Variants in MUC5AC observed in about 807,000 individuals in gnomAD.
The protein encoded by MUC5AC is mucin-5AC.
In MUC5AC, 158 loss-of-function variants were observed where a neutral mutation model predicts 169.7. The ratio of observed to expected loss-of-function variants is 0.93; its 90% CI spans 0.82 to 1.06. The LOEUF is 1.06. Ranked by LOEUF, MUC5AC falls within the 50% of genes least tolerant of loss-of-function variation. The pLI is 0.00. For missense variants in MUC5AC, 4,359 were observed against 3,089.9 expected (o/e 1.41, Z -9.74); for synonymous variants, 1,975 against 1,237.0 (o/e 1.60, Z -12.52).
chr11:1,178,440 G>A lies in MUC5AC; in HGVS notation c.3088-4G>A, dbSNP rs1036473686. Reference sequence around the variant, plus strand: ...CACCTCCACCTCTCCCGGTGCCTCTGCAGGGCAGGGTCTGCGGCCTGTGTG... The same window carrying A: ...CACCTCCACCTCTCCCGGTGCCTCTACAGGGCAGGGTCTGCGGCCTGTGTG... On this transcript the variant is annotated splice_polypyrimidine_tract_variant and splice_region_variant and intron_variant, in intron 24 of 48. Transcript: ENST00000621226. 1.1e-5 allele frequency: 7 copies of A among 623,088 alleles called. No homozygotes were observed. The highest frequency in any genetic ancestry group is 1.7e-5 in the Non-Finnish European group (7 of 417,456). The allele number at this position is 623,088 out of a possible 1,614,324, so 38.6% of individuals were successfully genotyped here.
At position 1,183,268 on chromosome 11, in the gene MUC5AC, A is replaced by G; in HGVS notation, c.5123A>G (p.His1708Arg). 2.5e-6 allele frequency: 1 copy of G among 406,056 alleles called. No homozygotes were observed. The highest frequency in any genetic ancestry group is 4.7e-5 in the Admixed American group (1 of 21,350). The allele number at this position is 406,056 out of a possible 1,614,324, so 25.2% of individuals were successfully genotyped here. Residue 1708 changes from histidine (H) to arginine (R), a missense_variant, in exon 31 of 49, where the codon CAC becomes CGC. His to Arg is a conservative substitution (Grantham distance 29, BLOSUM62 0). Coordinates refer to ENST00000621226, the MANE Select transcript of MUC5AC (RefSeq NM_001304359.2). The part of the protein sequence containing the change: ...GAQTQTTFTT[H>R]MPSASTEQPT... ...CAGACCCAGACCACCTTCACCACAC[A>G]CATGCCCTCGGCCTCCACAGAGCAA...
At chr11:1,162,690 G>T in intron 5 of MUC5AC, 44 bp downstream of exon 5, 1 of 1,568,262 alleles carries the variant, frequency 6.4e-7, no homozygotes, top group South Asian at 1.1e-5. Context: ...TCCAGCCCTC[G>T]AGGGCCGGCC....
chr11:1,183,980 C>G lies in MUC5AC; in HGVS notation c.5835C>G (p.Pro1945=), dbSNP rs1469979006. ...CCAGCAAGCCCACCCCCACGGAGCC[C>G]AGCACATCCTCCTGCCTGCAGGAGC... The part of the protein sequence containing the change: ...VVSSKPTPTE[P]STSSCLQELC... Residue 1945 remains proline, a synonymous_variant, in exon 31 of 49, where the codon CCC becomes CCG. Coordinates refer to ENST00000621226, the MANE Select transcript of MUC5AC (RefSeq NM_001304359.2). 7 of 394,964 alleles carry G rather than the reference C, an allele frequency of 1.8e-5. No homozygotes were observed. The highest frequency in any genetic ancestry group is 2.2e-5 in the Non-Finnish European group (5 of 227,492). 24.5% of individuals were successfully genotyped at this position (394,964 alleles called of 1,614,324 possible).
At chr11:1,163,388 G>C (rs1490886253) in intron 6 of MUC5AC, among the ~76,000 whole-genome samples, 1 of 152,154 alleles carries the variant, frequency 6.6e-6, no homozygotes, top group Non-Finnish European at 1.5e-5. Context: ...AATGTGACCT[G>C]CACCAGCCAA....
Position 1,188,216 on chromosome 11 carries a change from G to A in MUC5AC, c.10071G>A (p.Arg3357=). Residue 3357 remains arginine (R), a synonymous_variant, in exon 31 of 49, where the codon AGG becomes AGA. Transcript: ENST00000621226. ...GCACTTCCTCTTGGCAGAAATCCAGGACAACCACTTTGGTGACAACCAGCA... is the reference window on the plus strand; with the variant it reads ...GCACTTCCTCTTGGCAGAAATCCAGAACAACCACTTTGGTGACAACCAGCA... ...TQSTSSWQKS[R]TTTLVTTSTT... 1.5e-6 allele frequency: 1 copy of A among 681,006 alleles called. No individual in the cohort carries two copies. Among genetic ancestry groups the A allele is most frequent in the Non-Finnish European group, 2.7e-6 (1 of 375,158 alleles). 42.2% of individuals were successfully genotyped at this position (681,006 alleles called of 1,614,324 possible).
chr11:1,195,740 A>C (rs1000869171), intron 36 of MUC5AC, 136 bp from the exon 37 acceptor site: 1 of 408,702 alleles, frequency 2.4e-6, no homozygotes, highest in South Asian at 2.2e-5. Context: ...CCGGGGATAC[A>C]GGAGGGCGGC....
chr11:1,175,923 GCA>G (rs1214413446), intron 19 of MUC5AC, among the ~76,000 whole-genome samples: 1 of 125,390 alleles, frequency 8.0e-6, no homozygotes, highest in South Asian at 2.6e-4. Flanking sequence ...ACCCACTCAT[GCA>G]CACACACTCA....
chr11:1,182,892 A>C lies in MUC5AC; in HGVS notation c.4747A>C (p.Thr1583Pro), dbSNP rs879231121. 8 of 398,634 alleles carry C rather than the reference A, an allele frequency of 2.0e-5. No homozygotes were observed. Among genetic ancestry groups the C allele is most frequent in the Non-Finnish European group, 3.1e-5 (7 of 226,168 alleles). 24.7% of individuals were successfully genotyped at this position (398,634 alleles called of 1,614,324 possible). Residue 1583 changes from threonine to proline, a missense_variant, in exon 31 of 49, where the codon ACC becomes CCC. Thr to Pro is a conservative substitution (Grantham distance 38). Transcript: ENST00000621226. ...ATCCTCCTGCCTGCAGGAGCTTTGCACCTGGACCGAGTGGATCGATGGCAG... is the reference window on the plus strand; with the variant it reads ...ATCCTCCTGCCTGCAGGAGCTTTGCCCCTGGACCGAGTGGATCGATGGCAG... ...STSSCLQELCTWTEWIDGSYP... is the reference protein window; with the variant it reads ...STSSCLQELCPWTEWIDGSYP...
chr11:1,163,842 C>T (rs923451917), intron 6 of MUC5AC, 40 bp from the exon 7 acceptor site: 33 of 1,503,636 alleles, frequency 2.2e-5, no homozygotes, highest in Middle Eastern at 1.7e-4. Flanking sequence ...TGACGGGTAC[C>T]GGGACCTGCA....
Position 1,180,135 on chromosome 11 carries a change from G to A in MUC5AC, c.3598G>A (p.Val1200Ile), listed in dbSNP as rs879249870. The change falls in exon 27 of 49, where the codon GTC becomes ATC. Residue 1200 changes from valine (V) to isoleucine (I), a missense_variant. By Grantham distance (29) the Val-to-Ile change is conservative. Coordinates refer to ENST00000621226, the MANE Select transcript of MUC5AC (RefSeq NM_001304359.2). The part of the protein sequence containing the change: ...RNPRGDCLRD[V>I]RGLEGCYPKC... Reference sequence around the variant, plus strand: ...CCCCCGTGGAGACTGCCTGCGGGACGTCCGGGGCCTGGAAGGTGGGCTGGG... The same window carrying A: ...CCCCCGTGGAGACTGCCTGCGGGACATCCGGGGCCTGGAAGGTGGGCTGGG... 4.8e-3 allele frequency: 1,905 copies of A among 396,870 alleles called. 9 individuals are homozygous for A. The highest frequency in any genetic ancestry group is 7.2e-3 in the Non-Finnish European group (1,629 of 225,758). 24.6% of individuals were successfully genotyped at this position (396,870 alleles called of 1,614,324 possible). A position where few individuals can be genotyped will look rare whatever the true frequency, so the allele number is the denominator to read the frequency against.
intron 46 of MUC5AC, 62 bp from the exon 47 acceptor site, chr11:1,199,633 C>T: frequency 1.4e-6 from 1 of 699,446 alleles, no homozygotes; most frequent in South Asian, 1.5e-5. Context: ...ATGTCCCCAT[C>T]CCTCACTTCT....
At chr11:1,177,753 G>A (rs948733671) in intron 24 of MUC5AC, 120 bp downstream of exon 24, 44 of 396,024 alleles carry the variant, frequency 1.1e-4, no homozygotes, top group East Asian at 1.4e-4. Flanking sequence ...AGATGGAAGC[G>A]GGGTGGGAAG....
chr11:1,192,583 C>G, intron 31 of MUC5AC, 58 bp downstream of exon 31: 1 of 740,358 alleles, frequency 1.4e-6, no homozygotes, highest in East Asian at 2.4e-5. Flanking sequence ...GTTTTTTATC[C>G]AGGAACGCCA....
intron 2 of MUC5AC, 118 bp from the exon 3 acceptor site, chr11:1,161,409 G>A (rs1401809180): frequency 1.1e-5 from 8 of 732,978 alleles, no homozygotes; most frequent in Non-Finnish European, 1.4e-5. Flanking sequence ...AGCAGAATCC[G>A]GAGTTGGCTT....
chr11:1,164,918 T>C (rs1187956568), intron 9 of MUC5AC, among the ~76,000 whole-genome samples: 22 of 77,104 alleles, frequency 2.9e-4, no homozygotes, highest in South Asian at 5.3e-4. Context: ...TGGCTGAGGA[T>C]CCTGTCCTGA....
intron 4 of MUC5AC, 102 bp from the exon 5 acceptor site, chr11:1,162,430 C>T (rs1475919932): frequency 6.9e-6 from 8 of 1,153,406 alleles, no homozygotes; most frequent in Admixed American, 4.2e-5. Context: ...CGCGACTTCA[C>T]GGTCACGATG....
chr11:1,173,585 CCACTCACTCATCCACT>C (rs1184001922), intron 16 of MUC5AC, among the ~76,000 whole-genome samples: 2 of 139,850 alleles, frequency 1.4e-5, no homozygotes, highest in East Asian at 2.2e-4. Context: ...ACTCACTCAC[CCACTCACTCATCCACT>C]CACTCACTCA....
At chr11:1,174,666 C>G in intron 17 of MUC5AC, 44 bp downstream of exon 17, 2 of 788,158 alleles carry the variant, frequency 2.5e-6, no homozygotes, top group Non-Finnish European at 4.0e-6. Context: ...GCTGGGTGGC[C>G]GCGGGTCTTG....
rs1860741081 is a variant in MUC5AC, at chr11:1,178,578, C to T, written c.3222C>T (p.Ala1074=). Residue 1074 remains alanine, a synonymous_variant, in exon 25 of 49, where the codon GCC becomes GCT. Transcript: ENST00000621226. ...SWKLSPSCPD[A]LAPKDPCTAN... Reference sequence around the variant, plus strand: ...AGCTCTCCCCCTCCTGCCCAGATGCCCTGGCGCCCAAGGACCCCTGCACGG... The same window carrying T: ...AGCTCTCCCCCTCCTGCCCAGATGCTCTGGCGCCCAAGGACCCCTGCACGG... The T allele has an allele frequency of 5.0e-6, 7 of 1,410,098 alleles. No homozygotes were observed. Among genetic ancestry groups the T allele is most frequent in the South Asian group, 1.7e-5 (1 of 60,460 alleles). The allele number at this position is 1,410,098 out of a possible 1,614,324, so 87.3% of individuals were successfully genotyped here.
Sources: allele counts gnomAD v4.1 joint callset (sites outside exome capture counted in the v4.1 genomes callset), GRCh38; gene constraint gnomAD v4.1.1; transcripts MANE v1.5; gene names NCBI Gene and HGNC (gene_info 2026-07-23, HGNC 2026-07-21).